PPP2R2B: variants seen among roughly 807,000 people sequenced by gnomAD.
The protein encoded by PPP2R2B is serine/threonine-protein phosphatase 2A 55 kDa regulatory subunit B beta isoform.
A neutral mutation model predicts 46.0 loss-of-function variants in PPP2R2B; 5 were observed. The observed-to-expected ratio is 0.11, with a 90% CI of 0.06 to 0.23. The LOEUF is 0.23. PPP2R2B is among the 10% of genes least tolerant of loss of function. The pLI is 1.00. For missense variants in PPP2R2B, 367 were observed against 575.0 expected (o/e 0.64, Z 3.70); for synonymous variants, 215 against 206.7 (o/e 1.04, Z -0.34).
intron 2 of PPP2R2B, among the ~76,000 whole-genome samples, chr5:147,076,046 C>T (rs1388718622): frequency 6.6e-6 from 1 of 152,106 alleles, no homozygotes; most frequent in East Asian, 1.9e-4. Flanking sequence ...GTAACTTACT[C>T]CATTCCCATA....
At chr5:146,795,965 G>A (rs1171971814) in intron 2 of PPP2R2B, among the ~76,000 whole-genome samples, 1 of 152,024 alleles carries the variant, frequency 6.6e-6, no homozygotes, top group African/African-American at 2.4e-5. Context: ...GCTCAACTGG[G>A]TATAAACATG....
intron 2 of PPP2R2B, among the ~76,000 whole-genome samples, chr5:146,844,619 G>T (rs2151375566): frequency 6.6e-6 from 1 of 152,230 alleles, no homozygotes; most frequent in African/African-American, 2.4e-5. Context: ...TTAGTTTTTT[G>T]AAAACAAATT....
At chr5:146,698,250 C>T (rs1779299169) in intron 3 of PPP2R2B, 106 bp from the exon 4 acceptor site, 1 of 728,840 alleles carries the variant, frequency 1.4e-6, no homozygotes. Context: ...GGGATGAGGG[C>T]AGGGCCATGA....
At chr5:146,978,428 TC>T in intron 1 of PPP2R2B, among the ~76,000 whole-genome samples, 1 of 152,306 alleles carries the variant, frequency 6.6e-6, no homozygotes. Flanking sequence ...GGTGTTTTAG[TC>T]ATGAAGTCTC....
intron 1 of PPP2R2B, among the ~76,000 whole-genome samples, chr5:146,890,019 T>C (rs1273157394): frequency 6.6e-6 from 1 of 152,224 alleles, no homozygotes; most frequent in Non-Finnish European, 1.5e-5. Context: ...CTGAATCCCA[T>C]GATCACATCC....
At chr5:146,673,107 G>A (rs1450907709) in intron 5 of PPP2R2B, among the ~76,000 whole-genome samples, 1 of 152,178 alleles carries the variant, frequency 6.6e-6, no homozygotes, top group East Asian at 1.9e-4. Flanking sequence ...ATCTGTCTGA[G>A]TTATGGTTTT....
chr5:146,749,388 A>T (rs1753395513), intron 2 of PPP2R2B, among the ~76,000 whole-genome samples: 1 of 152,134 alleles, frequency 6.6e-6, no homozygotes, highest in Non-Finnish European at 1.5e-5. Context: ...CAAATGTTTT[A>T]ATTGTGATGA....
intron 1 of PPP2R2B, among the ~76,000 whole-genome samples, chr5:147,011,668 G>C (rs987518377): frequency 1.3e-5 from 2 of 150,290 alleles, no homozygotes; most frequent in Non-Finnish European, 3.0e-5. Flanking sequence ...TTTTCAAAGG[G>C]AATGCTTCCA....
chr5:146,920,740 C>T (rs1032367598), intron 1 of PPP2R2B, among the ~76,000 whole-genome samples: 2 of 152,146 alleles, frequency 1.3e-5, no homozygotes, highest in African/African-American at 4.8e-5. Flanking sequence ...TGCTCCAGCA[C>T]ACTGTTGTGT....
At chr5:146,598,498 C>A (rs1377143837) in intron 8 of PPP2R2B, among the ~76,000 whole-genome samples, 1 of 152,144 alleles carries the variant, frequency 6.6e-6, no homozygotes, top group Non-Finnish European at 1.5e-5. Context: ...TATCTTGAAG[C>A]TAAATATATC....
chr5:146,823,008 G>GGAAA (rs2151335829), intron 2 of PPP2R2B, among the ~76,000 whole-genome samples: 1 of 152,248 alleles, frequency 6.6e-6, no homozygotes, highest in East Asian at 1.9e-4. Flanking sequence ...TTATATTTAA[G>GGAAA]GAAAGCTGAG....
rs188637518 is a variant in PPP2R2B, at chr5:146,889,601, C to T, written c.79+166064G>A. On this transcript the variant is annotated intron_variant, in intron 1 of 8. Transcript: ENST00000336640. ...AGGGTAATGCATCCAACAATTGAAA[C>T]GTTGCAATTGGAACTCTCCCAGGCT... Among the ~76,000 whole-genome samples, 16 of 152,270 alleles carry T rather than the reference C, an allele frequency of 1.1e-4. No individual in the cohort carries two copies. In the East Asian group the frequency reaches 3.1e-3, roughly 29 times the overall value.
At chr5:146,641,770 G>A (rs1036872440) in intron 6 of PPP2R2B, among the ~76,000 whole-genome samples, 24 of 152,176 alleles carry the variant, frequency 1.6e-4, no homozygotes, top group African/African-American at 5.3e-4. Context: ...TTCATGTTGG[G>A]AGGGAAGGAG....
intron 2 of PPP2R2B, among the ~76,000 whole-genome samples, chr5:146,842,647 TC>T (rs1314464020): frequency 6.6e-6 from 1 of 152,112 alleles, no homozygotes; most frequent in Non-Finnish European, 1.5e-5. Flanking sequence ...ATTTTACCTC[TC>T]CTCCTCTGGT....
At chr5:146,787,390 A>G (rs1755906910) in intron 2 of PPP2R2B, among the ~76,000 whole-genome samples, 1 of 152,202 alleles carries the variant, frequency 6.6e-6, no homozygotes, top group Non-Finnish European at 1.5e-5. Context: ...TAAAAATTGT[A>G]TGTTTTTCAA....
chr5:146,790,508 A>T (rs1406220775), intron 2 of PPP2R2B, among the ~76,000 whole-genome samples: 2 of 152,168 alleles, frequency 1.3e-5, no homozygotes, highest in Admixed American at 6.5e-5. Context: ...AAACTGGGGC[A>T]GTAGCATTGG....
At chr5:147,024,145 A>T (rs535481852) in intron 1 of PPP2R2B, among the ~76,000 whole-genome samples, 129 of 139,754 alleles carry the variant, frequency 9.2e-4, no homozygotes, top group Non-Finnish European at 1.6e-3. Context: ...CTCATAATAA[A>T]TCCCCTCCTC....
At chr5:147,026,545 T>A (rs1419922509) in intron 1 of PPP2R2B, among the ~76,000 whole-genome samples, 1 of 152,156 alleles carries the variant, frequency 6.6e-6, no homozygotes, top group Non-Finnish European at 1.5e-5. Flanking sequence ...TATCTCTCTA[T>A]ATATGTCAAA....
intron 5 of PPP2R2B, among the ~76,000 whole-genome samples, chr5:146,675,466 G>C (rs1216404079): frequency 1.3e-5 from 2 of 152,132 alleles, no homozygotes; most frequent in African/African-American, 4.8e-5. Flanking sequence ...CTGTCTCAGA[G>C]ATTTTTGCCC....
Sources: allele counts gnomAD v4.1 joint callset (sites outside exome capture counted in the v4.1 genomes callset), GRCh38; gene constraint gnomAD v4.1.1; transcripts MANE v1.5; gene names NCBI Gene and HGNC (gene_info 2026-07-23, HGNC 2026-07-21).